The following GRIK2 variants were observed in gnomAD, a reference collection of about 807,000 sequenced individuals.
The protein encoded by GRIK2 is glutamate receptor ionotropic, kainate 2.
A neutral mutation model predicts 100.3 loss-of-function variants in GRIK2; 32 were observed. The observed-to-expected ratio is 0.32, with a 90% CI of 0.24 to 0.43. The LOEUF is 0.43. Ranked by LOEUF, GRIK2 falls within the 20% of genes least tolerant of loss-of-function variation. GRIK2 has a pLI of 1.00. For synonymous variants in GRIK2, 417 were observed against 389.4 expected (o/e 1.07, Z -0.83); for missense variants, 843 against 1,114.9 (o/e 0.76, Z 3.47).
chr6:102,054,013 A>G (rs183729516), intron 15 of GRIK2, among the ~76,000 whole-genome samples: 1 of 152,302 alleles, frequency 6.6e-6, no homozygotes, highest in Non-Finnish European at 1.5e-5. Flanking sequence ...CCCCTAATAT[A>G]CTTAAGAATT....
intron 7 of GRIK2, among the ~76,000 whole-genome samples, chr6:101,758,334 A>G (rs1011997752): frequency 2.0e-5 from 3 of 152,234 alleles, no homozygotes; most frequent in African/African-American, 7.2e-5. Flanking sequence ...GTATTTCAGT[A>G]CTTATCTTGC....
chr6:101,947,154 A>C (rs540526524), intron 14 of GRIK2, among the ~76,000 whole-genome samples: 94 of 152,186 alleles, frequency 6.2e-4, no homozygotes, highest in Non-Finnish European at 7.5e-4. Context: ...AAGTTTAATC[A>C]AGCTGAAATG....
intron 2 of GRIK2, among the ~76,000 whole-genome samples, chr6:101,461,468 C>T (rs117276216): frequency 0.034 from 5,137 of 152,188 alleles, 127 homozygotes; most frequent in Admixed American, 0.069. Flanking sequence ...CCTTATGGCC[C>T]ACTTCCTCTA....
intron 14 of GRIK2, among the ~76,000 whole-genome samples, chr6:102,007,476 C>T (rs1054479821): frequency 1.3e-5 from 2 of 152,064 alleles, no homozygotes; most frequent in African/African-American, 4.8e-5. Context: ...CTCATTCTAC[C>T]TTGCATCATC....
chr6:101,803,303 G>A (rs1360178184), intron 9 of GRIK2, among the ~76,000 whole-genome samples: 1 of 151,676 alleles, frequency 6.6e-6, no homozygotes, highest in African/African-American at 2.4e-5. Flanking sequence ...TTCTTAGTCT[G>A]GAAGATAACA....
rs1239660653 is a variant in GRIK2 at position 101,896,257 on chromosome 6, G to T, written c.1748+6394G>T. Among the ~76,000 whole-genome samples the T allele has an allele frequency of 3.3e-5, 5 of 151,732 alleles. No homozygotes were observed. The East Asian group carries it at 9.7e-4, about 29-fold the overall frequency. On this transcript the variant is annotated intron_variant, in intron 12 of 16. Transcript: ENST00000369134. ...TGATAAATATGGTATTGAGGTAATT[G>T]AGGCAACAGAGCTCTTGACTGAAAG...
chr6:101,664,949 A>G (rs1043768207), intron 4 of GRIK2, among the ~76,000 whole-genome samples: 5 of 151,740 alleles, frequency 3.3e-5, no homozygotes, highest in African/African-American at 1.2e-4. Flanking sequence ...AGAAAAACCC[A>G]CCCCCATGAT....
At chr6:101,959,139 CAATTTTATAGTA>C (rs558088984) in intron 14 of GRIK2, among the ~76,000 whole-genome samples, 2 of 152,084 alleles carry the variant, frequency 1.3e-5, no homozygotes, top group Admixed American at 1.3e-4. Flanking sequence ...TAAAATTGAT[CAATTTTATAGTA>C]AAATTTATAC....
At chr6:102,008,400 G>T (rs1795353437) in intron 14 of GRIK2, among the ~76,000 whole-genome samples, 1 of 151,990 alleles carries the variant, frequency 6.6e-6, no homozygotes, top group African/African-American at 2.4e-5. Context: ...AATGGCTTCA[G>T]CAAAGTTGAA....
At chr6:101,499,048 G>A (rs1022034565) in intron 2 of GRIK2, among the ~76,000 whole-genome samples, 3 of 152,058 alleles carry the variant, frequency 2.0e-5, no homozygotes, top group African/African-American at 7.2e-5. Flanking sequence ...TTTAATAAAT[G>A]GTGCTGGGAA....
intron 15 of GRIK2, among the ~76,000 whole-genome samples, chr6:102,051,306 TTCCTTCCA>T (rs1359145225): frequency 7.0e-6 from 1 of 142,228 alleles, no homozygotes; most frequent in Non-Finnish European, 1.5e-5. Context: ...CCTTCCTTCC[TTCCTTCCA>T]CTCTCTGCAA....
intron 14 of GRIK2, among the ~76,000 whole-genome samples, chr6:102,012,010 T>C (rs567879357): frequency 6.6e-6 from 1 of 152,338 alleles, no homozygotes; most frequent in African/African-American, 2.4e-5. Flanking sequence ...GTATTTTATA[T>C]TTCACTCTAT....
intron 14 of GRIK2, among the ~76,000 whole-genome samples, chr6:101,998,268 T>A (rs951747012): frequency 1.6e-4 from 25 of 152,158 alleles, no homozygotes; most frequent in East Asian, 5.8e-4. Flanking sequence ...TTAGTATTTG[T>A]GGACCACAGT....
At chr6:101,409,824 G>GT (rs1270824136) in intron 2 of GRIK2, among the ~76,000 whole-genome samples, 1 of 151,838 alleles carries the variant, frequency 6.6e-6, no homozygotes, top group Non-Finnish European at 1.5e-5. Flanking sequence ...TATTTACTGT[G>GT]TATGTGTGGA....
At chr6:101,669,887 G>T (rs1770299636) in intron 4 of GRIK2, among the ~76,000 whole-genome samples, 2 of 151,890 alleles carry the variant, frequency 1.3e-5, no homozygotes, top group South Asian at 4.1e-4. Context: ...GGAAAGCAAA[G>T]GATTAAGAAT....
At chr6:101,817,305 C>A (rs1045342905) in intron 9 of GRIK2, among the ~76,000 whole-genome samples, 1 of 152,062 alleles carries the variant, frequency 6.6e-6, no homozygotes, top group Non-Finnish European at 1.5e-5. Flanking sequence ...TTAGTTAGAA[C>A]AGAGTAAATA....
chr6:101,941,903 A>C (rs560725422), intron 14 of GRIK2, among the ~76,000 whole-genome samples: 2 of 152,224 alleles, frequency 1.3e-5, no homozygotes, highest in African/African-American at 4.8e-5. Context: ...TCCAATTAAT[A>C]CTTTGGGTAC....
At chr6:101,928,676 G>A (rs1442429286) in intron 14 of GRIK2, 44 bp downstream of exon 14, 1 of 941,578 alleles carries the variant, frequency 1.1e-6, no homozygotes, top group South Asian at 1.3e-5. Flanking sequence ...TAAAATGATA[G>A]AGCGCAAACT....
intron 7 of GRIK2, among the ~76,000 whole-genome samples, chr6:101,798,045 T>G (rs1357144736): frequency 6.6e-6 from 1 of 150,738 alleles, no homozygotes; most frequent in Non-Finnish European, 1.5e-5. Flanking sequence ...TTCCACTCTT[T>G]TTTTTTTTTT....
Sources: gnomAD v4.1 joint callset for allele counts (sites outside exome capture counted in the v4.1 genomes callset) on GRCh38, gnomAD v4.1.1 for gene constraint, MANE v1.5 for transcripts, NCBI Gene and HGNC (gene_info 2026-07-23, HGNC 2026-07-21) for gene names.